The following CMC1 variants were observed in gnomAD, a reference collection of about 807,000 sequenced individuals.
CMC1 encodes COX assembly mitochondrial protein homolog.
CMC1 carries 14 observed loss-of-function variants against 14.1 expected under a neutral mutation model. That is an observed-to-expected ratio of 0.99 (90% CI 0.66 to 1.55). CMC1 has a LOEUF of 1.55. Among genes scored for constraint, CMC1 ranks in the 40% most tolerant of loss-of-function variants. The pLI, the probability that CMC1 is intolerant of heterozygous loss-of-function variation, is 0.00. For synonymous variants in CMC1, 50 were observed against 38.4 expected, an observed-to-expected ratio of 1.30 and a Z score of -1.12; for missense variants, 127 against 123.8, an observed-to-expected ratio of 1.03 and a Z score of -0.12.
chr3:28,253,634 TAAAC>T (rs1258241949), intron 1 of CMC1: 4 of 631,406 alleles, frequency 6.3e-6, no homozygotes, highest in South Asian at 3.7e-5. Context: ...CCCAAAAAGC[TAAAC>T]AAACAAAGAA....
intron 1 of CMC1, among the ~76,000 whole-genome samples, chr3:28,256,883 G>T (rs1699440121): frequency 6.6e-6 from 1 of 152,108 alleles, no homozygotes; most frequent in Non-Finnish European, 1.5e-5. Context: ...AATTGGAAGA[G>T]AATCTTTTGT....
At chr3:28,315,896 C>G (rs1702875957) in intron 2 of CMC1, 1 of 154,362 alleles carries the variant, frequency 6.5e-6, no homozygotes, top group African/African-American at 2.4e-5. Flanking sequence ...TAAGTACACT[C>G]TGATCTTTGG....
intron 3 of CMC1, chr3:28,317,922 A>G (rs1703003534): frequency 6.6e-6 from 1 of 151,922 alleles, no homozygotes; most frequent in African/African-American, 2.4e-5. Flanking sequence ...ACAAGAAGAA[A>G]ATAACAGATT....
intron 2 of CMC1, among the ~76,000 whole-genome samples, chr3:28,314,661 C>T (rs1039951066): frequency 4.9e-4 from 74 of 152,288 alleles, no homozygotes; most frequent in South Asian, 4.1e-4. Flanking sequence ...TCTTGCATCC[C>T]TTGTTCCTTC....
intron 2 of CMC1, chr3:28,294,326 C>T (rs963035773): frequency 5.9e-5 from 10 of 170,300 alleles, no homozygotes; most frequent in South Asian, 2.0e-4. Flanking sequence ...TATTTTCTTA[C>T]GGAATAGGCT....
At chr3:28,301,530 A>G (rs941551359) in intron 2 of CMC1, among the ~76,000 whole-genome samples, 3 of 152,044 alleles carry the variant, frequency 2.0e-5, no homozygotes, top group African/African-American at 7.2e-5. Flanking sequence ...TTACTGATTT[A>G]TTTTTGTTAA....
At chr3:28,269,831 C>T (rs1700193599) in intron 2 of CMC1, among the ~76,000 whole-genome samples, 1 of 152,168 alleles carries the variant, frequency 6.6e-6, no homozygotes, top group African/African-American at 2.4e-5. Context: ...CTCCCAAGTC[C>T]TGCCATTGCA....
intron 2 of CMC1, among the ~76,000 whole-genome samples, chr3:28,289,568 A>G (rs973563435): frequency 6.6e-6 from 1 of 152,152 alleles, no homozygotes. Context: ...AGGGATTTTT[A>G]TGCTGCAAAG....
chr3:28,287,102 T>C (rs967770140), intron 2 of CMC1, among the ~76,000 whole-genome samples: 6 of 152,204 alleles, frequency 3.9e-5, no homozygotes, highest in Non-Finnish European at 7.3e-5. Context: ...CCTAACACTC[T>C]TTTGTCTTCT....
In CMC1 at chr3:28,241,679, T is replaced by C; in HGVS notation, c.-115T>C. On this transcript the variant is annotated 5_prime_UTR_variant, in exon 1 of 4. Transcript: ENST00000466830. ...GCTTTGCAAAGGGCCCGTGTTTCTG[T>C]TGCGGGAAGCTCCCGGGGGTCGCAC... 1 of 1,235,628 alleles carries C rather than the reference T, an allele frequency of 8.1e-7. No homozygotes were observed. The highest frequency in any genetic ancestry group is 1.0e-6 in the Non-Finnish European group (1 of 987,866). 76.5% of individuals were successfully genotyped at this position (1,235,628 alleles called of 1,614,324 possible). A position where few individuals can be genotyped will look rare whatever the true frequency, so the allele number is the denominator to read the frequency against.
intron 1 of CMC1, among the ~76,000 whole-genome samples, chr3:28,245,257 T>C (rs1433772127): frequency 6.6e-6 from 1 of 152,226 alleles, no homozygotes; most frequent in East Asian, 1.9e-4. Flanking sequence ...TACATGCTTA[T>C]ACATAGTTTT....
At chr3:28,258,604 G>A (rs13085245) in intron 1 of CMC1, among the ~76,000 whole-genome samples, 25,233 of 143,142 alleles carry the variant, frequency 0.18, 2,682 homozygotes, top group Middle Eastern at 0.27. Context: ...ATACATGGAA[G>A]TATTTCTGGA....
At chr3:28,272,358 G>T (rs959548602) in intron 2 of CMC1, among the ~76,000 whole-genome samples, 3 of 152,116 alleles carry the variant, frequency 2.0e-5, no homozygotes, top group African/African-American at 7.2e-5. Flanking sequence ...CTGTGGGTTT[G>T]TCATGAATGG....
In CMC1 at chr3:28,319,504, C is replaced by T. The variant is rs1443246954; in HGVS notation, c.201-5C>T. 1 of 1,587,912 alleles carries T rather than the reference C, an allele frequency of 6.3e-7. No homozygotes were observed. The highest frequency in any genetic ancestry group is 2.2e-5 in the East Asian group (1 of 44,568). The stretch of plus-strand genomic sequence containing the variant: ...CTTGAAAATATTTTCATTTCCTTCT[C>T]ATAGCTATAATGATCCAGCCTTTTA... On this transcript the variant is annotated splice_region_variant and splice_polypyrimidine_tract_variant and intron_variant, in intron 3 of 3. Transcript: ENST00000466830.
At chr3:28,297,809 C>G (rs1166913365) in intron 2 of CMC1, among the ~76,000 whole-genome samples, 1 of 151,996 alleles carries the variant, frequency 6.6e-6, no homozygotes, top group Non-Finnish European at 1.5e-5. Context: ...AATAAAGTAA[C>G]AGCTGTACCT....
intron 1 of CMC1, among the ~76,000 whole-genome samples, chr3:28,250,853 G>A (rs1348811103): frequency 1.3e-5 from 2 of 152,172 alleles, no homozygotes; most frequent in Non-Finnish European, 2.9e-5. Context: ...TTGGAAGTGT[G>A]TATAGTTCTA....
At chr3:28,289,314 G>A (rs993622517) in intron 2 of CMC1, among the ~76,000 whole-genome samples, 6 of 151,626 alleles carry the variant, frequency 4.0e-5, no homozygotes, top group African/African-American at 1.2e-4. Flanking sequence ...TTTAAAATTC[G>A]TTTTGTTTAT....
At chr3:28,313,150 C>G (rs1702722943) in intron 2 of CMC1, among the ~76,000 whole-genome samples, 1 of 152,138 alleles carries the variant, frequency 6.6e-6, no homozygotes, top group African/African-American at 2.4e-5. Context: ...GCCACCGTGC[C>G]TGGCTTCAAA....
At chr3:28,309,426 C>A (rs185849412) in intron 2 of CMC1, among the ~76,000 whole-genome samples, 17 of 152,148 alleles carry the variant, frequency 1.1e-4, no homozygotes, top group Admixed American at 3.9e-4. Flanking sequence ...TTTAAGTCAT[C>A]AACCTGGGCC....
Sources: allele counts gnomAD v4.1 joint callset (sites outside exome capture counted in the v4.1 genomes callset), GRCh38; gene constraint gnomAD v4.1.1; transcripts MANE v1.5; gene names NCBI Gene and HGNC (gene_info 2026-07-23, HGNC 2026-07-21).